Variants in SACM1L observed in about 807,000 individuals in gnomAD.
SACM1L encodes phosphatidylinositol-3-phosphatase SAC1.
Under a neutral mutation model 89.5 loss-of-function variants are expected in SACM1L, and 32 were observed. That is an observed-to-expected ratio of 0.36 (90% CI 0.27 to 0.48). SACM1L has a LOEUF of 0.48. SACM1L is among the 20% of genes least tolerant of loss of function. The probability of loss-of-function intolerance (pLI) is 0.99; values close to 1 mark genes in which losing one functional copy is unlikely to be tolerated. For synonymous variants in SACM1L, 213 were observed against 232.8 expected, an observed-to-expected ratio of 0.92 and a Z score of 0.77; for missense variants, 543 against 708.5, an observed-to-expected ratio of 0.77 and a Z score of 2.65.
At chr3:45,720,421 C>T (rs139986894) in intron 8 of SACM1L, among the ~76,000 whole-genome samples, 1 of 150,812 alleles carries the variant, frequency 6.6e-6, no homozygotes, top group African/African-American at 2.5e-5. Flanking sequence ...CATTTCTGAC[C>T]TCATCTGCTT....
At chr3:45,690,437 G>A (rs2742419) in intron 1 of SACM1L, 72,951 of 151,604 alleles carry the variant, frequency 0.48, 18,029 homozygotes, top group Middle Eastern at 0.57. Context: ...CCCTGTATAT[G>A]AGCTAAAATA....
intron 3 of SACM1L, among the ~76,000 whole-genome samples, chr3:45,705,756 A>G (rs990122304): frequency 2.1e-4 from 32 of 152,182 alleles, no homozygotes; most frequent in Non-Finnish European, 4.4e-4. Flanking sequence ...CACCCACCCC[A>G]GCCTCCCAAA....
chr3:45,743,709 A>G lies in SACM1L; in HGVS notation c.*40A>G. ...AAAGCGGCTTGGCTTGGAAGATTCC[A>G]TTGTGCAGAACTGGAGTCTTTACTG... On this transcript the variant is annotated 3_prime_UTR_variant, in exon 20 of 20. Coordinates refer to ENST00000389061, the MANE Select transcript of SACM1L (RefSeq NM_014016.5). 2 of 1,598,472 alleles carry G rather than the reference A, an allele frequency of 1.3e-6. No homozygotes were observed. The highest frequency in any genetic ancestry group is 1.7e-6 in the Non-Finnish European group (2 of 1,172,706).
At chr3:45,692,886 T>G (rs1263262122) in intron 1 of SACM1L, among the ~76,000 whole-genome samples, 1 of 152,218 alleles carries the variant, frequency 6.6e-6, no homozygotes, top group Non-Finnish European at 1.5e-5. Context: ...ATTTTGTCAC[T>G]TAGAAATGAA....
At chr3:45,722,733 G>T in intron 9 of SACM1L, 136 bp from the exon 10 acceptor site, 1 of 574,968 alleles carries the variant, frequency 1.7e-6, no homozygotes, top group Non-Finnish European at 3.0e-6. Context: ...GATACACGTG[G>T]ACTTTTAAAG....
chr3:45,731,221 C>T, intron 11 of SACM1L, 80 bp from the exon 12 acceptor site: 2 of 854,518 alleles, frequency 2.3e-6, no homozygotes, highest in Non-Finnish European at 3.7e-6. Flanking sequence ...GAGCTTAGAG[C>T]TTCCTAGTTT....
chr3:45,693,025 C>G (rs1250846865), intron 1 of SACM1L, among the ~76,000 whole-genome samples: 1 of 152,210 alleles, frequency 6.6e-6, no homozygotes, highest in South Asian at 2.1e-4. Flanking sequence ...ATGGTACAGC[C>G]TACTACACAC....
chr3:45,737,281 G>C, intron 14 of SACM1L: 1 of 330,036 alleles, frequency 3.0e-6, no homozygotes. Context: ...GGAAGTAGCG[G>C]CTGGAATCCT....
At chr3:45,696,516 A>G (rs1428262075) in intron 1 of SACM1L, among the ~76,000 whole-genome samples, 1 of 152,078 alleles carries the variant, frequency 6.6e-6, no homozygotes, top group Non-Finnish European at 1.5e-5. Context: ...TGGGAATTCT[A>G]TTTTTAATTT....
chr3:45,710,500 C>T (rs1323803254), intron 5 of SACM1L, among the ~76,000 whole-genome samples: 1 of 134,142 alleles, frequency 7.5e-6, no homozygotes. Context: ...CCCAGTCTGC[C>T]TTTTTTTTTT....
intron 11 of SACM1L, among the ~76,000 whole-genome samples, chr3:45,728,439 G>T (rs368229059): frequency 6.6e-6 from 1 of 151,556 alleles, no homozygotes; most frequent in African/African-American, 2.4e-5. Flanking sequence ...TCTCATTTTC[G>T]TTTGTGTATA....
At chr3:45,698,817 A>G (rs1173640353) in intron 1 of SACM1L, among the ~76,000 whole-genome samples, 1 of 151,876 alleles carries the variant, frequency 6.6e-6, no homozygotes, top group Non-Finnish European at 1.5e-5. Flanking sequence ...ACCAGCCTAG[A>G]GTGCAGTGGC....
Position 45,745,320 on chromosome 3 carries a change from A to G in SACM1L, c.*1651A>G, listed in dbSNP as rs1699402752. On this transcript the variant is annotated 3_prime_UTR_variant, in exon 20 of 20. Coordinates refer to ENST00000389061, the MANE Select transcript of SACM1L (RefSeq NM_014016.5). ...ATATCAGTGTGTTAGATCTTAAGGT[A>G]TCAGTATTTCAGAATCCTGCGACGA... 1 of 152,684 alleles carries G rather than the reference A, an allele frequency of 6.5e-6. No homozygotes were observed. The highest frequency in any genetic ancestry group is 2.1e-4 in the South Asian group (1 of 4,830). 9.5% of individuals were successfully genotyped at this position (152,684 alleles called of 1,614,324 possible).
rs1018803346 is a variant in SACM1L at position 45,744,473 on chromosome 3, C to T, written c.*804C>T. The T allele has an allele frequency of 1.3e-5, 2 of 152,634 alleles. No individual in the cohort carries two copies. The highest frequency in any genetic ancestry group is 2.1e-4 in the South Asian group (1 of 4,824). 9.5% of individuals were successfully genotyped at this position (152,634 alleles called of 1,614,324 possible). On this transcript the variant is annotated 3_prime_UTR_variant, in exon 20 of 20. Coordinates refer to ENST00000389061, the MANE Select transcript of SACM1L (RefSeq NM_014016.5). ...GCCCATGACTGGTCAGCTACTTCCT[C>T]CTATACATTTTGGTTTCTTTGAGGG...
In SACM1L at chr3:45,706,902, A is replaced by G. The variant is rs1055084662; in HGVS notation, c.328A>G (p.Ile110Val). 3.1e-6 allele frequency: 5 copies of G among 1,613,048 alleles called. No homozygotes were observed. Among genetic ancestry groups the G allele is most frequent in the Non-Finnish European group, 4.2e-6 (5 of 1,179,396 alleles). ...GAAGACAATGTTGCACTTAACTGATATTCAGGTAAGAACTGGAAATTGTTA... is the reference window on the plus strand; with the variant it reads ...GAAGACAATGTTGCACTTAACTGATGTTCAGGTAAGAACTGGAAATTGTTA... ...YKKTMLHLTD[I>V]QLQDNKTFLA... The change falls in exon 4 of 20, where the codon ATT becomes GTT. Residue 110 changes from isoleucine (I) to valine (V), a missense_variant. By Grantham distance (29) the Ile-to-Val change is conservative. This residue lies in a region of SACM1L where 173 missense variants were observed against 180.9 expected (regional missense o/e 0.96). Transcript: ENST00000389061.
At chr3:45,732,181 G>A in intron 13 of SACM1L, 30 bp downstream of exon 13, 2 of 1,332,832 alleles carry the variant, frequency 1.5e-6, no homozygotes, top group South Asian at 2.6e-5. Context: ...TAAGGAGGTA[G>A]AGGGAAGAGG....
At chr3:45,732,237 C>G in intron 13 of SACM1L, 86 bp downstream of exon 13, 1 of 698,530 alleles carries the variant, frequency 1.4e-6, no homozygotes, top group South Asian at 2.4e-5. Context: ...AGCAGACTTA[C>G]AAGTACAGTT....
intron 11 of SACM1L, among the ~76,000 whole-genome samples, chr3:45,724,334 T>TG (rs1553653984): frequency 2.0e-5 from 3 of 151,604 alleles, no homozygotes; most frequent in Non-Finnish European, 2.9e-5. Context: ...TGTGTGTGTG[T>TG]TTAATGATAG....
At chr3:45,723,089 C>G (rs1360648509) in intron 10 of SACM1L, 134 bp downstream of exon 10, 2 of 769,868 alleles carry the variant, frequency 2.6e-6, no homozygotes, top group Admixed American at 5.4e-5. Flanking sequence ...TTGGTTCCGG[C>G]ACATAGTAAA....
Sources: allele counts gnomAD v4.1 joint callset (sites outside exome capture counted in the v4.1 genomes callset), GRCh38; gene constraint gnomAD v4.1.1; regional missense constraint gnomAD v4.1.1; transcripts MANE v1.5; gene names NCBI Gene and HGNC (gene_info 2026-07-23, HGNC 2026-07-21).